The following FRMD5 variants were observed in gnomAD, a reference collection of about 807,000 sequenced individuals.
FRMD5 encodes FERM domain containing 5.
FRMD5 carries 20 observed loss-of-function variants against 69.0 expected under a neutral mutation model. That is an observed-to-expected ratio of 0.29 (90% confidence interval 0.20 to 0.42). The LOEUF is 0.42. Among genes scored for constraint, FRMD5 ranks in the 10% least tolerant of loss-of-function variants. The pLI is 1.00. For synonymous variants in FRMD5, 271 were observed against 260.1 expected, an observed-to-expected ratio of 1.04 and a Z score of -0.40; for missense variants, 595 against 708.6, an observed-to-expected ratio of 0.84 and a Z score of 1.82.
At chr15:43,981,028 C>T (rs971983893) in intron 1 of FRMD5, among the ~76,000 whole-genome samples, 3 of 152,140 alleles carry the variant, frequency 2.0e-5, no homozygotes, top group Non-Finnish European at 4.4e-5. Flanking sequence ...CACACATACA[C>T]ATTTTGAGAC....
chr15:44,157,092 T>C (rs1015863694), intron 1 of FRMD5, among the ~76,000 whole-genome samples: 2 of 152,160 alleles, frequency 1.3e-5, no homozygotes, highest in Admixed American at 1.3e-4. Context: ...AAAAAAGGCA[T>C]TATGATTACA....
rs186999110 is a variant in FRMD5, at chr15:44,123,300, G to A, written c.102+71653C>T. The stretch of plus-strand genomic sequence containing the variant: ...GCACAGGTTGCGGTGAGCTGAGATC[G>A]CGCCATTGCACTCCAGCCAGGTGAC... On this transcript the variant is annotated intron_variant, in intron 1 of 13. Coordinates refer to ENST00000417257, the MANE Select transcript of FRMD5 (RefSeq NM_032892.5). 9.2e-5 allele frequency among the ~76,000 whole-genome samples: 14 copies of A among 151,642 alleles called. No homozygotes were observed. The East Asian group carries it at 2.3e-3, about 25-fold the overall frequency.
chr15:44,189,155 C>G (rs552080704), intron 1 of FRMD5, among the ~76,000 whole-genome samples: 49 of 152,238 alleles, frequency 3.2e-4, no homozygotes, highest in Middle Eastern at 6.8e-3. Context: ...GAATTTGAAC[C>G]TAAGAGTCTT....
intron 1 of FRMD5, among the ~76,000 whole-genome samples, chr15:44,065,729 A>T (rs181802015): frequency 6.6e-6 from 1 of 152,246 alleles, no homozygotes; most frequent in Non-Finnish European, 1.5e-5. Context: ...CAATAAGCAT[A>T]TAAACTGACC....
chr15:44,074,239 G>A (rs1468964715), intron 1 of FRMD5, among the ~76,000 whole-genome samples: 1 of 152,124 alleles, frequency 6.6e-6, no homozygotes, highest in Non-Finnish European at 1.5e-5. Flanking sequence ...ATTGGGCCTG[G>A]AAGTTATTTT....
At chr15:43,972,322 C>A (rs2090393374) in intron 1 of FRMD5, among the ~76,000 whole-genome samples, 1 of 151,960 alleles carries the variant, frequency 6.6e-6, no homozygotes, top group African/African-American at 2.4e-5. Flanking sequence ...TATTAAAAAG[C>A]ATATATAAGT....
chr15:43,943,359 C>T (rs1244352795), intron 1 of FRMD5, among the ~76,000 whole-genome samples: 3 of 152,284 alleles, frequency 2.0e-5, no homozygotes, highest in South Asian at 2.1e-4. Flanking sequence ...GGATTACAGG[C>T]GAGAGCCATT....
At chr15:43,900,601 T>C (rs2089021208) in intron 7 of FRMD5, among the ~76,000 whole-genome samples, 1 of 151,318 alleles carries the variant, frequency 6.6e-6, no homozygotes, top group African/African-American at 2.4e-5. Context: ...CCTATGTCAC[T>C]GTGCTCATTC....
Position 43,873,242 on chromosome 15 carries a change from CAAAAGG to C in FRMD5, c.*637_*642del, listed in dbSNP as rs758433651. ...CCCACTCTGCTCAGATTTGAAAAAA[CAAAAGG>C]AAAAGAAAATCCAACTCAGACCATC... On this transcript the variant is annotated 3_prime_UTR_variant, in exon 14 of 14. Coordinates refer to ENST00000417257, the MANE Select transcript of FRMD5 (RefSeq NM_032892.5). 149 of 1,548,992 alleles carry C rather than the reference CAAAAGG, an allele frequency of 9.6e-5. No homozygotes were observed. The highest frequency in any genetic ancestry group is 1.1e-4 in the Non-Finnish European group (131 of 1,146,644).
chr15:44,138,846 A>G (rs1407482321), intron 1 of FRMD5, among the ~76,000 whole-genome samples: 1 of 152,204 alleles, frequency 6.6e-6, no homozygotes, highest in African/African-American at 2.4e-5. Flanking sequence ...CCAGGAACAA[A>G]GCCACAGATT....
intron 4 of FRMD5, chr15:43,919,057 C>T (rs2089445911): frequency 3.1e-6 from 1 of 318,644 alleles, no homozygotes; most frequent in Non-Finnish European, 6.3e-6. Context: ...CAGTGTTATG[C>T]CTTTGGCATT....
intron 1 of FRMD5, among the ~76,000 whole-genome samples, chr15:44,139,982 G>GT (rs1188961132): frequency 6.6e-6 from 1 of 151,830 alleles, no homozygotes; most frequent in Admixed American, 6.6e-5. Context: ...GAACACAACA[G>GT]TAAGTCTGAT....
chr15:44,011,611 A>G (rs75610587), intron 1 of FRMD5, among the ~76,000 whole-genome samples: 1,792 of 152,332 alleles, frequency 0.012, 28 homozygotes, highest in African/African-American at 0.04. Context: ...ACTATTATGC[A>G]TACAAATGAG....
At chr15:43,900,611 C>T (rs2140395305) in intron 7 of FRMD5, among the ~76,000 whole-genome samples, 1 of 150,048 alleles carries the variant, frequency 6.7e-6, no homozygotes, top group East Asian at 2.0e-4. Context: ...TGTGCTCATT[C>T]ATTCCTGGTT....
At chr15:44,125,207 C>G (rs558049730) in intron 1 of FRMD5, among the ~76,000 whole-genome samples, 1 of 151,928 alleles carries the variant, frequency 6.6e-6, no homozygotes, top group Non-Finnish European at 1.5e-5. Context: ...GACACTGAGG[C>G]GGGAAGATTG....
chr15:44,167,052 T>C (rs2077721899), intron 1 of FRMD5, among the ~76,000 whole-genome samples: 1 of 152,152 alleles, frequency 6.6e-6, no homozygotes, highest in South Asian at 2.1e-4. Context: ...GAGACTTCTA[T>C]TTCTACCAAT....
chr15:44,095,872 T>C lies in FRMD5; in HGVS notation c.102+99081A>G, dbSNP rs564968600. 5.0e-4 allele frequency among the ~76,000 whole-genome samples: 76 copies of C among 152,176 alleles called. No homozygotes were observed. The South Asian group carries it at 0.013, about 26-fold the overall frequency. ...GCCTGGCCTTGAAAGCCCACTTCCA[T>C]CCTTAACAGACTCCAGGAAGGCTGA... is the stretch of plus-strand genomic sequence containing the variant. On this transcript the variant is annotated intron_variant, in intron 1 of 13. Transcript: ENST00000417257.
intron 1 of FRMD5, among the ~76,000 whole-genome samples, chr15:44,115,146 C>A (rs2076851081): frequency 6.6e-6 from 1 of 152,260 alleles, no homozygotes; most frequent in Non-Finnish European, 1.5e-5. Context: ...TTCTGCAACT[C>A]TGAAAAATGC....
At chr15:44,162,735 C>T (rs1339246282) in intron 1 of FRMD5, among the ~76,000 whole-genome samples, 5 of 151,740 alleles carry the variant, frequency 3.3e-5, no homozygotes, top group East Asian at 1.9e-4. Flanking sequence ...GGCGTGGTGG[C>T]GCATGCCTGT....
Sources: gnomAD v4.1 joint callset for allele counts (sites outside exome capture counted in the v4.1 genomes callset) on GRCh38, gnomAD v4.1.1 for gene constraint, MANE v1.5 for transcripts, NCBI Gene and HGNC (gene_info 2026-07-23, HGNC 2026-07-21) for gene names.